The following TASOR variants were observed in gnomAD, a reference collection of about 807,000 sequenced individuals.
TASOR encodes the protein transcription activation suppressor.
A neutral mutation model predicts 178.6 loss-of-function variants in TASOR; 53 were observed. The observed-to-expected ratio is 0.30, with a 90% CI of 0.24 to 0.37. The LOEUF is 0.37. TASOR is among the 10% of genes least tolerant of loss of function. TASOR has a pLI of 1.00. For synonymous variants in TASOR, 713 were observed against 696.2 expected (o/e 1.02, Z -0.38); for missense variants, 1,815 against 1,971.4 (o/e 0.92, Z 1.50).
chr3:56,683,226 G>A lies in TASOR; in HGVS notation c.-220C>T, dbSNP rs1248315917. 4.1e-6 allele frequency: 2 copies of A among 488,298 alleles called. No individual in the cohort carries two copies. The highest frequency in any genetic ancestry group is 3.3e-5 in the East Asian group (1 of 29,864). The allele number at this position is 488,298 out of a possible 1,614,324, so 30.2% of individuals were successfully genotyped here. A position where few individuals can be genotyped will look rare whatever the true frequency, so the allele number is the denominator to read the frequency against. ...GGTCCTCGGAGCCGCTCCTCCCTCG[G>A]GCAGTTCTTCTGCCTTCCCCCGCCA... On this transcript the variant is annotated 5_prime_UTR_variant, in exon 1 of 24. Transcript: ENST00000683822.
chr3:56,659,017 A>G (rs1211985831), intron 11 of TASOR, among the ~76,000 whole-genome samples: 1 of 151,942 alleles, frequency 6.6e-6, no homozygotes, highest in Non-Finnish European at 1.5e-5. Flanking sequence ...CATTTAATTG[A>G]AAGGTTTCTA....
At chr3:56,653,262 CAAAAAAAAAAAAAAAA>C (rs1176419181) in intron 11 of TASOR, among the ~76,000 whole-genome samples, 2 of 4,962 alleles carry the variant, frequency 4.0e-4, no homozygotes, top group African/African-American at 5.9e-4. Flanking sequence ...GACTCCATCT[CAAAAAAAAAAAAAAAA>C]AAAAAAAAAA....
intron 7 of TASOR, chr3:56,663,973 G>C (rs1420001060): frequency 2.2e-5 from 12 of 540,338 alleles, no homozygotes; most frequent in Non-Finnish European, 2.6e-5. Context: ...CTAGGTAATA[G>C]GATTATAGAG....
chr3:56,668,422 G>A lies in TASOR; in HGVS notation c.872C>T (p.Ala291Val), dbSNP rs2030291372. The A allele has an allele frequency of 6.4e-7, 1 of 1,551,638 alleles. No homozygotes were observed. The highest frequency in any genetic ancestry group is 1.4e-5 in the African/African-American group (1 of 73,158). ...KNANRITSLL[A>V]YRAYELTQYY... ...CTGAGTAAGCTCATAGGCTCTGTAA[G>A]CCAAAAGTGATGTAATTCGATTGGC... The change falls in exon 6 of 24, where the codon GCT (alanine) becomes GTT (valine). Residue 291 changes from alanine (A) to valine (V), a missense_variant. Coordinates refer to ENST00000683822, the MANE Select transcript of TASOR (RefSeq NM_001365635.2).
At chr3:56,662,541 A>G (rs1294456593) in intron 8 of TASOR, 51 bp from the exon 9 acceptor site, 8 of 849,266 alleles carry the variant, frequency 9.4e-6, no homozygotes, top group Non-Finnish European at 1.5e-5. Flanking sequence ...CAGCCCAGAG[A>G]AGTGAGTGCA....
intron 6 of TASOR, among the ~76,000 whole-genome samples, chr3:56,667,523 G>A (rs1024013159): frequency 1.3e-5 from 2 of 152,068 alleles, no homozygotes; most frequent in African/African-American, 4.8e-5. Context: ...TAGGTGAGGT[G>A]GCAGGTGCCT....
In TASOR at chr3:56,621,573, G is replaced by C. The variant is rs2076642837; in HGVS notation, c.*1464C>G. 6.2e-7 allele frequency: 1 copy of C among 1,601,848 alleles called. No individual in the cohort carries two copies. On this transcript the variant is annotated 3_prime_UTR_variant, in exon 24 of 24. Transcript: ENST00000683822. ...AAAAGGAGTTGGAAAGTAGTCTCCT[G>C]CCTTTAGCTGAAAATCAAGAAGAGA...
intron 18 of TASOR, among the ~76,000 whole-genome samples, chr3:56,631,664 A>C (rs573897406): frequency 6.0e-5 from 9 of 150,626 alleles, no homozygotes; most frequent in African/African-American, 2.2e-4. Context: ...GCTCACTGCA[A>C]GCTCCGCCTC....
intron 20 of TASOR, among the ~76,000 whole-genome samples, 197 bp downstream of exon 20, chr3:56,627,385 G>A (rs1412429686): frequency 6.6e-6 from 1 of 152,092 alleles, no homozygotes; most frequent in African/African-American, 2.4e-5. Flanking sequence ...CTGCAGCAGG[G>A]GCAGACAGCC....
chr3:56,680,411 C>CA (rs1430035182), intron 1 of TASOR, among the ~76,000 whole-genome samples: 1 of 151,768 alleles, frequency 6.6e-6, no homozygotes, highest in South Asian at 2.1e-4. Context: ...CTGGGAAGAC[C>CA]AAAAAAAGAA....
intron 1 of TASOR, among the ~76,000 whole-genome samples, chr3:56,678,741 C>T (rs1464541909): frequency 1.3e-5 from 2 of 151,860 alleles, no homozygotes; most frequent in Admixed American, 6.6e-5. Context: ...CTGGGCGTGG[C>T]GGCTCATGCC....
intron 1 of TASOR, among the ~76,000 whole-genome samples, chr3:56,678,698 A>T (rs2031536339): frequency 6.6e-6 from 1 of 152,216 alleles, no homozygotes; most frequent in Non-Finnish European, 1.5e-5. Context: ...AACTTAAAAG[A>T]CATATCATTC....
At chr3:56,631,591 T>G (rs1011198516) in intron 18 of TASOR, among the ~76,000 whole-genome samples, 101 of 69,906 alleles carry the variant, frequency 1.4e-3, no homozygotes, top group African/African-American at 2.3e-3. Context: ...TTTGTTTTTT[T>G]TTTTTTTTTT....
In TASOR at chr3:56,621,647, A is replaced by G. The variant is rs756610691; in HGVS notation, c.*1390T>C. 6.1e-5 allele frequency: 89 copies of G among 1,464,526 alleles called. No homozygotes were observed. The highest frequency in any genetic ancestry group is 8.4e-5 in the Non-Finnish European group (89 of 1,059,656). 90.7% of individuals were successfully genotyped at this position (1,464,526 alleles called of 1,614,324 possible). ...TAGAAAATCAAATCCTTCACATTTG[A>G]TTTGTGTCTTCCAAATTATAAAATG... On this transcript the variant is annotated 3_prime_UTR_variant, in exon 24 of 24. Coordinates refer to ENST00000683822, the MANE Select transcript of TASOR (RefSeq NM_001365635.2).
chr3:56,662,596 AG>A, intron 8 of TASOR, 106 bp from the exon 9 acceptor site: 1 of 535,508 alleles, frequency 1.9e-6, no homozygotes, highest in Admixed American at 3.7e-5. Context: ...ACAAGGTTTA[AG>A]TAGGAGGGCA....
chr3:56,648,518 C>G (rs1476603319), intron 13 of TASOR, among the ~76,000 whole-genome samples: 1 of 151,110 alleles, frequency 6.6e-6, no homozygotes, highest in Non-Finnish European at 1.5e-5. Flanking sequence ...GTAATCCCAG[C>G]TACTCAGGAG....
rs764432548 is a variant in TASOR at position 56,648,906 on chromosome 3, A to G, written c.1442-13T>C. On this transcript the variant is annotated splice_polypyrimidine_tract_variant and intron_variant, in intron 12 of 23. Transcript: ENST00000683822. ...GCAGTCTGATATTCTAAAAAACAGAAGCCAAACTCATTAGCAATGTGTTTT... is the reference window on the plus strand; with the variant it reads ...GCAGTCTGATATTCTAAAAAACAGAGGCCAAACTCATTAGCAATGTGTTTT... 3 of 1,608,878 alleles carry G rather than the reference A, an allele frequency of 1.9e-6. No individual in the cohort carries two copies. Among genetic ancestry groups the G allele is most frequent in the South Asian group, 1.1e-5 (1 of 89,284 alleles).
Position 56,669,723 on chromosome 3 carries a change from C to T in TASOR, c.712G>A (p.Val238Ile). ...ACCTTCATTATTTTAAAAATAACAA[C>T]ATCACCCATTGCCCCCGTGTCCAAA... is the stretch of plus-strand genomic sequence containing the variant. ...NPLDTGAMGDVVIFKIMKGKI... is the reference protein window; with the variant it reads ...NPLDTGAMGDIVIFKIMKGKI... Residue 238 changes from valine to isoleucine, a missense_variant, in exon 5 of 24, where the codon GTT becomes ATT. Physicochemically the swap from Val to Ile is conservative, Grantham distance 29. Transcript: ENST00000683822. The T allele has an allele frequency of 6.5e-7, 1 of 1,547,632 alleles. No homozygotes were observed. The highest frequency in any genetic ancestry group is 8.7e-7 in the Non-Finnish European group (1 of 1,144,480).
At chr3:56,632,055 C>T (rs1277945999) in intron 18 of TASOR, among the ~76,000 whole-genome samples, 1 of 152,048 alleles carries the variant, frequency 6.6e-6, no homozygotes, top group Non-Finnish European at 1.5e-5. Context: ...TCAAGAAACA[C>T]CAAAAGTTTA....
Sources: allele counts gnomAD v4.1 joint callset (sites outside exome capture counted in the v4.1 genomes callset), GRCh38; gene constraint gnomAD v4.1.1; transcripts MANE v1.5; gene names NCBI Gene and HGNC (gene_info 2026-07-23, HGNC 2026-07-21).